The following YPEL2 variants were observed in gnomAD, a reference collection of about 807,000 sequenced individuals.
The protein encoded by YPEL2 is yippee like 2, also known as protein yippee-like 2.
In YPEL2, 2 loss-of-function variants were observed where a neutral mutation model predicts 19.1. The ratio of observed to expected loss-of-function variants is 0.10; its 90% CI spans 0.04 to 0.33. YPEL2 has a LOEUF of 0.33. YPEL2 is among the 10% of genes least tolerant of loss of function. The pLI, the probability that YPEL2 is intolerant of heterozygous loss-of-function variation, is 1.00. For missense variants in YPEL2, 66 were observed against 140.7 expected, an observed-to-expected ratio of 0.47 and a Z score of 2.68; for synonymous variants, 52 against 50.0, an observed-to-expected ratio of 1.04 and a Z score of -0.17.
intron 1 of YPEL2, among the ~76,000 whole-genome samples, chr17:59,337,735 C>T (rs577435300): frequency 1.3e-5 from 2 of 152,184 alleles, no homozygotes; most frequent in East Asian, 3.9e-4. Context: ...TTTTTGTTTT[C>T]TATTAATTAG....
intron 4 of YPEL2, among the ~76,000 whole-genome samples, chr17:59,396,638 G>A (rs1598057205): frequency 6.6e-6 from 1 of 152,250 alleles, no homozygotes; most frequent in Non-Finnish European, 1.5e-5. Context: ...TAAAGCGCTT[G>A]AGGGGTAGGA....
intron 1 of YPEL2, among the ~76,000 whole-genome samples, chr17:59,345,826 T>A (rs1472881907): frequency 6.6e-6 from 1 of 152,220 alleles, no homozygotes; most frequent in African/African-American, 2.4e-5. Flanking sequence ...CTGTGCTGAA[T>A]ACTCCAATTG....
At chr17:59,337,266 C>T (rs1041486707) in intron 1 of YPEL2, among the ~76,000 whole-genome samples, 1 of 150,196 alleles carries the variant, frequency 6.7e-6, no homozygotes, top group Non-Finnish European at 1.5e-5. Context: ...CGGCTCACTG[C>T]AAGCTCCGCC....
rs58304283 is a variant in YPEL2, at chr17:59,349,358, C to CTTT, written c.-195-3839_-195-3837dup. Reference sequence around the variant, plus strand: ...TTCTCAGCCCACAGGCCTTTTTTTTCTTTTTTTTTTTTTTTTTTTTGTTGA... The same window carrying CTTT: ...TTCTCAGCCCACAGGCCTTTTTTTTCTTTTTTTTTTTTTTTTTTTTTTTGTTGA... On this transcript the variant is annotated intron_variant, in intron 1 of 4. Coordinates refer to ENST00000312655, the MANE Select transcript of YPEL2 (RefSeq NM_001005404.4). Among the ~76,000 whole-genome samples the CTTT allele has an allele frequency of 6.3e-3, 752 of 119,192 alleles. 7 individuals are homozygous for CTTT. Among genetic ancestry groups the CTTT allele is most frequent in the African/African-American group, 0.018 (537 of 30,478 alleles). 78.2% of individuals were successfully genotyped at this position (119,192 alleles called of 152,430 possible). A position where few individuals can be genotyped will look rare whatever the true frequency, so the allele number is the denominator to read the frequency against.
At chr17:59,396,449 C>G (rs1242032705) in intron 4 of YPEL2, among the ~76,000 whole-genome samples, 2 of 152,124 alleles carry the variant, frequency 1.3e-5, no homozygotes, top group Non-Finnish European at 2.9e-5. Flanking sequence ...GGGGTTGGGG[C>G]AGAAGGGAGA....
chr17:59,383,634 A>T (rs1344960516), intron 2 of YPEL2, among the ~76,000 whole-genome samples: 1 of 111,470 alleles, frequency 9.0e-6, no homozygotes, highest in Non-Finnish European at 1.8e-5. Flanking sequence ...ATATATATAT[A>T]TATATATATA....
chr17:59,372,245 C>G (rs1246181413), intron 2 of YPEL2, among the ~76,000 whole-genome samples: 1 of 152,200 alleles, frequency 6.6e-6, no homozygotes, highest in East Asian at 1.9e-4. Context: ...CCCAGAAGCC[C>G]TAGCCTGGGG....
Position 59,390,269 on chromosome 17 carries a change from T to A in YPEL2, c.270+801T>A, listed in dbSNP as rs545769064. 2.6e-5 allele frequency among the ~76,000 whole-genome samples: 4 copies of A among 152,308 alleles called. No homozygotes were observed. The East Asian group carries it at 7.7e-4, about 29-fold the overall frequency. ...CACCCCCGTCAGGCTCCCAAAGTGCTGGGATTACAGGTGTGAGCCACCATG... is the reference window on the plus strand; with the variant it reads ...CACCCCCGTCAGGCTCCCAAAGTGCAGGGATTACAGGTGTGAGCCACCATG... On this transcript the variant is annotated intron_variant, in intron 4 of 4. Transcript: ENST00000312655.
chr17:59,389,222 T>G, intron 3 of YPEL2, 138 bp from the exon 4 acceptor site: 2 of 626,674 alleles, frequency 3.2e-6, no homozygotes, highest in Non-Finnish European at 5.5e-6. Context: ...CTTTTGGGGA[T>G]TGGTTTAGAT....
rs916437850 is a variant in YPEL2 at position 59,353,260 on chromosome 17, C to T, written c.-150C>T. On this transcript the variant is annotated 5_prime_UTR_variant, in exon 2 of 5. Transcript: ENST00000312655. The surrounding 1 kb of genome is among the most constrained non-coding windows in gnomAD (Gnocchi z 4.8). ...GACCTCTGCGTGAGGGTTCTTCTGC[C>T]GAAGACATCACCAGTGTGTGGAGCC... 7 of 605,582 alleles carry T rather than the reference C, an allele frequency of 1.2e-5. No homozygotes were observed. Among genetic ancestry groups the T allele is most frequent in the South Asian group, 5.9e-5 (3 of 51,084 alleles). The allele number at this position is 605,582 out of a possible 1,614,324, so 37.5% of individuals were successfully genotyped here.
intron 1 of YPEL2, among the ~76,000 whole-genome samples, chr17:59,337,256 C>T (rs889757102): frequency 6.7e-6 from 1 of 148,240 alleles, no homozygotes; most frequent in African/African-American, 2.5e-5. Flanking sequence ...GGTGCAATCT[C>T]GGCTCACTGC....
rs376273042 is a variant in YPEL2, at chr17:59,353,379, C to T, written c.-31C>T. 5 of 1,502,026 alleles carry T rather than the reference C, an allele frequency of 3.3e-6. No homozygotes were observed. The African/African-American group carries it at 6.9e-5, about 21-fold the overall frequency. The allele number at this position is 1,502,026 out of a possible 1,614,324, so 93.0% of individuals were successfully genotyped here. ...CCTGTGGGAGTGCCTCGTGGGCTGC[C>T]CCAGAGTTCACCCCACACTCAGCAG... is the stretch of plus-strand genomic sequence containing the variant. On this transcript the variant is annotated 5_prime_UTR_variant, in exon 2 of 5. Transcript: ENST00000312655. This position sits in a 1 kb window ranked among gnomAD's most constrained non-coding sequence, Gnocchi z 4.8.
At chr17:59,389,330 C>A in intron 3 of YPEL2, 30 bp from the exon 4 acceptor site, 1 of 1,584,936 alleles carries the variant, frequency 6.3e-7, no homozygotes, top group Non-Finnish European at 8.6e-7. Context: ...TCACTAACTA[C>A]CCACTCTCTC....
chr17:59,388,660 T>A (rs1159175810), intron 3 of YPEL2, among the ~76,000 whole-genome samples: 7 of 152,094 alleles, frequency 4.6e-5, no homozygotes, highest in African/African-American at 1.4e-4. Context: ...CCTGAAGGGC[T>A]CATAATGAGA....
chr17:59,352,048 G>A (rs1453595706), intron 1 of YPEL2, among the ~76,000 whole-genome samples: 1 of 152,224 alleles, frequency 6.6e-6, no homozygotes. Flanking sequence ...AGAGGACGAT[G>A]ATTTGCAGGC....
At chr17:59,377,373 G>T (rs1472678889) in intron 2 of YPEL2, among the ~76,000 whole-genome samples, 2 of 152,170 alleles carry the variant, frequency 1.3e-5, no homozygotes, top group Admixed American at 1.3e-4. Flanking sequence ...ACTGCAGAGG[G>T]CCCAGCTCTT....
At chr17:59,386,044 C>T (rs1051933128) in intron 2 of YPEL2, among the ~76,000 whole-genome samples, 11 of 152,054 alleles carry the variant, frequency 7.2e-5, no homozygotes, top group South Asian at 4.1e-4. Flanking sequence ...GAAAACAGGC[C>T]GGGTGCGGTG....
intron 1 of YPEL2, among the ~76,000 whole-genome samples, chr17:59,352,868 A>T (rs1004945936): frequency 2.6e-5 from 4 of 152,024 alleles, no homozygotes; most frequent in Admixed American, 6.6e-5. Flanking sequence ...GGCTCAGGAG[A>T]GGGGGTCCCT....
At chr17:59,370,616 G>C (rs764342677) in intron 2 of YPEL2, among the ~76,000 whole-genome samples, 4 of 152,090 alleles carry the variant, frequency 2.6e-5, no homozygotes, top group Non-Finnish European at 5.9e-5. Flanking sequence ...TGTCTGCCTC[G>C]CTTTGAAATC....
Sources: allele counts gnomAD v4.1 joint callset (sites outside exome capture counted in the v4.1 genomes callset), GRCh38; gene constraint gnomAD v4.1.1; non-coding constraint Gnocchi (gnomAD v3.1); transcripts MANE v1.5; gene names NCBI Gene and HGNC (gene_info 2026-07-23, HGNC 2026-07-21).